The following PTPRD variants were observed in gnomAD, a reference collection of about 807,000 sequenced individuals.
The protein encoded by PTPRD is receptor-type tyrosine-protein phosphatase delta.
PTPRD carries 34 observed loss-of-function variants against 214.5 expected under a neutral mutation model. That is an observed-to-expected ratio of 0.16 (90% CI 0.12 to 0.21). The LOEUF is 0.21. Among genes scored for constraint, PTPRD ranks in the 10% least tolerant of loss-of-function variants. PTPRD has a pLI of 1.00. For missense variants in PTPRD, 2,545 were observed against 2,398.7 expected (o/e 1.06, Z -1.27); for synonymous variants, 1,128 against 845.7 (o/e 1.33, Z -5.79).
intron 11 of PTPRD, among the ~76,000 whole-genome samples, chr9:8,826,654 T>C (rs10120478): frequency 0.47 from 70,270 of 148,518 alleles, 17,516 homozygotes; most frequent in African/African-American, 0.63. Context: ...TTCTATATAG[T>C]GCTTATCCAA....
At chr9:10,182,837 T>TATCACCC (rs1291815344) in intron 3 of PTPRD, among the ~76,000 whole-genome samples, 2 of 152,152 alleles carry the variant, frequency 1.3e-5, no homozygotes, top group Non-Finnish European at 1.5e-5. Flanking sequence ...CATGTATGTA[T>TATCACCC]ATCACCCAAC....
chr9:9,344,143 A>C (rs1263570115), intron 9 of PTPRD, among the ~76,000 whole-genome samples: 1 of 152,182 alleles, frequency 6.6e-6, no homozygotes, highest in African/African-American at 2.4e-5. Flanking sequence ...TACACTAAGA[A>C]AGTTAACTCA....
intron 44 of PTPRD, among the ~76,000 whole-genome samples, chr9:8,320,388 C>T (rs1418095217): frequency 6.6e-6 from 1 of 152,058 alleles, no homozygotes; most frequent in Non-Finnish European, 1.5e-5. Context: ...TTTTCTATCA[C>T]ACTGTTCACA....
chr9:9,909,232 T>C (rs17243452), intron 5 of PTPRD, among the ~76,000 whole-genome samples: 2,692 of 151,862 alleles, frequency 0.018, 41 homozygotes, highest in Non-Finnish European at 0.029. Context: ...GTGCTTAGAG[T>C]GTATTTTTCT....
intron 14 of PTPRD, among the ~76,000 whole-genome samples, chr9:8,564,964 G>A (rs1261076310): frequency 6.6e-6 from 1 of 152,154 alleles, no homozygotes; most frequent in Non-Finnish European, 1.5e-5. Flanking sequence ...GTAGCCACTG[G>A]TTGGATAAAA....
At chr9:8,811,765 T>C (rs982917249) in intron 11 of PTPRD, among the ~76,000 whole-genome samples, 4 of 152,238 alleles carry the variant, frequency 2.6e-5, no homozygotes, top group African/African-American at 9.6e-5. Flanking sequence ...CGTAATTCAA[T>C]TTCATCTCTT....
At chr9:9,422,891 T>C (rs142458211) in intron 8 of PTPRD, among the ~76,000 whole-genome samples, 4 of 152,222 alleles carry the variant, frequency 2.6e-5, no homozygotes, top group Admixed American at 6.5e-5. Context: ...CTGGAGCTGC[T>C]GGCACCTTTA....
chr9:9,442,740 C>T (rs1490322591), intron 8 of PTPRD, among the ~76,000 whole-genome samples: 3 of 152,064 alleles, frequency 2.0e-5, no homozygotes, highest in Non-Finnish European at 4.4e-5. Context: ...TGCCATTGAT[C>T]AAAAAACCAG....
chr9:10,381,489 T>C (rs979684454), intron 2 of PTPRD, among the ~76,000 whole-genome samples: 2 of 151,956 alleles, frequency 1.3e-5, no homozygotes, highest in Non-Finnish European at 2.9e-5. Context: ...TTTTCAGAGA[T>C]CTTTAAGCAC....
chr9:9,572,125 T>C (rs2086642210), intron 8 of PTPRD, among the ~76,000 whole-genome samples: 1 of 150,964 alleles, frequency 6.6e-6, no homozygotes, highest in Non-Finnish European at 1.5e-5. Context: ...ATCCAGAGAG[T>C]AATGAGAAAA....
chr9:8,528,266 A>G, intron 15 of PTPRD: 1 of 426,756 alleles, frequency 2.3e-6, no homozygotes, highest in African/African-American at 2.0e-5. Context: ...GAAAACAGAG[A>G]AAGAAGAAAG....
At chr9:9,943,090 C>T (rs2091907247) in intron 4 of PTPRD, among the ~76,000 whole-genome samples, 1 of 152,100 alleles carries the variant, frequency 6.6e-6, no homozygotes. Flanking sequence ...TTAGCCTACC[C>T]AAGTCTCCTT....
Position 10,005,060 on chromosome 9 carries a change from A to G in PTPRD, c.-472+28658T>C, listed in dbSNP as rs188212819. Reference sequence around the variant, plus strand: ...ATCATATTTCTTTGCAATGAAAAATAAATGCCTAAGTGTAAAACGTGGACA... The same window carrying G: ...ATCATATTTCTTTGCAATGAAAAATGAATGCCTAAGTGTAAAACGTGGACA... On this transcript the variant is annotated intron_variant, in intron 4 of 45. Transcript: ENST00000381196. Among the ~76,000 whole-genome samples the G allele has an allele frequency of 1.7e-3, 262 of 152,268 alleles. 1 individual carries two copies. The highest frequency in any genetic ancestry group is 6.1e-3 in the African/African-American group (252 of 41,558).
intron 10 of PTPRD, among the ~76,000 whole-genome samples, chr9:9,077,174 G>C (rs1321401560): frequency 2.1e-5 from 3 of 145,976 alleles, no homozygotes; most frequent in Admixed American, 2.1e-4. Flanking sequence ...TTTTTCTGTA[G>C]AGTTGGTTGA....
intron 12 of PTPRD, among the ~76,000 whole-genome samples, chr9:8,726,511 C>T (rs2098559473): frequency 7.2e-6 from 1 of 139,002 alleles, no homozygotes; most frequent in African/African-American, 2.7e-5. Context: ...GCAGGTGGAT[C>T]CCCTGAAGTC....
At chr9:10,260,983 T>C (rs1180091224) in intron 3 of PTPRD, among the ~76,000 whole-genome samples, 1 of 147,508 alleles carries the variant, frequency 6.8e-6, no homozygotes, top group Admixed American at 6.8e-5. Flanking sequence ...TGTGTGTATA[T>C]ATATGTATAT....
intron 2 of PTPRD, among the ~76,000 whole-genome samples, chr9:10,487,966 G>GTCTCTCTCTCTCTCTC (rs56372955): frequency 0.011 from 1,263 of 110,270 alleles, 102 homozygotes; most frequent in African/African-American, 0.037. Flanking sequence ...AATGAACACA[G>GTCTCTCTCTCTCTCTC]TCTCTCTCTC....
At chr9:9,622,308 A>G (rs2095271405) in intron 7 of PTPRD, among the ~76,000 whole-genome samples, 1 of 152,228 alleles carries the variant, frequency 6.6e-6, no homozygotes, top group Non-Finnish European at 1.5e-5. Flanking sequence ...AGACACATAT[A>G]CCACGCAATC....
chr9:10,246,704 T>C (rs1313521780), intron 3 of PTPRD, among the ~76,000 whole-genome samples: 2 of 151,968 alleles, frequency 1.3e-5, no homozygotes, highest in African/African-American at 4.8e-5. Flanking sequence ...CCTGGTACTC[T>C]TTACGTATTT....
Sources: gnomAD v4.1 joint callset for allele counts (sites outside exome capture counted in the v4.1 genomes callset) on GRCh38, gnomAD v4.1.1 for gene constraint, MANE v1.5 for transcripts, NCBI Gene and HGNC (gene_info 2026-07-23, HGNC 2026-07-21) for gene names.